CEP83: variants seen among roughly 807,000 people sequenced by gnomAD.
The protein encoded by CEP83 is centrosomal protein of 83 kDa.
In CEP83, 70 loss-of-function variants were observed where a neutral mutation model predicts 101.9. That is an observed-to-expected ratio of 0.69 (90% CI 0.57 to 0.84). The LOEUF (loss-of-function observed/expected upper bound fraction) is 0.84. Among genes scored for constraint, CEP83 ranks in the 40% least tolerant of loss-of-function variants. The probability of loss-of-function intolerance (pLI) is 0.00; values close to 1 mark genes in which losing one functional copy is unlikely to be tolerated. For missense variants in CEP83, 715 were observed against 787.2 expected (o/e 0.91, Z 1.10); for synonymous variants, 264 against 267.9 (o/e 0.99, Z 0.14).
chr12:94,411,939 CA>C, intron 3 of CEP83, 92 bp from the exon 4 acceptor site: 1 of 974,650 alleles, frequency 1.0e-6, no homozygotes, highest in South Asian at 1.5e-5. Context: ...CACAGAAAAA[CA>C]AGACCAATAT....
At chr12:94,281,371 T>C in the CEP83 span, among the ~76,000 whole-genome samples, 1 of 152,136 alleles carries the variant, frequency 6.6e-6, no homozygotes, top group South Asian at 2.1e-4. Context: ...AAAACGCAGA[T>C]GCCCAAAGGG....
chr12:94,350,396 T>C (rs2060145735), intron 11 of CEP83, among the ~76,000 whole-genome samples: 1 of 152,156 alleles, frequency 6.6e-6, no homozygotes, highest in African/African-American at 2.4e-5. Flanking sequence ...GAAAGGGCAA[T>C]GTTGTCAACA....
chr12:94,265,851 C>G, the CEP83 span, among the ~76,000 whole-genome samples: 1 of 152,080 alleles, frequency 6.6e-6, no homozygotes, highest in Non-Finnish European at 1.5e-5. Flanking sequence ...CCCCACCGCA[C>G]CCACCCCATG....
chr12:94,333,045 C>CAAAAAAAAAAAAAAAAAAAAAAAAAAA (rs34900007), intron 13 of CEP83, among the ~76,000 whole-genome samples: 1 of 73,172 alleles, frequency 1.4e-5, no homozygotes, highest in African/African-American at 6.5e-5. Context: ...ATTTTAAGAC[C>CAAAAAAAAAAAAAAAAAAAAAAAAAAA]AAAAAAAAAA....
chr12:94,312,466 G>A lies in CEP83; in HGVS notation c.1811+448C>T, dbSNP rs924573265. 8.9e-6 allele frequency: 4 copies of A among 451,158 alleles called. No individual in the cohort carries two copies. In the East Asian group the frequency reaches 6.2e-4, roughly 70 times the overall value. 27.9% of individuals were successfully genotyped at this position (451,158 alleles called of 1,614,324 possible). A position where few individuals can be genotyped will look rare whatever the true frequency, so the allele number is the denominator to read the frequency against. On this transcript the variant is annotated intron_variant, in intron 15 of 16. Transcript: ENST00000397809. Reference sequence around the variant, plus strand: ...CAACAACTTAATATGACAAATCTCTGCTTTAAAAATGCTGATGATCCTGAT... The same window carrying A: ...CAACAACTTAATATGACAAATCTCTACTTTAAAAATGCTGATGATCCTGAT...
At chr12:94,322,414 C>T (rs575402779) in intron 14 of CEP83, among the ~76,000 whole-genome samples, 2 of 151,912 alleles carry the variant, frequency 1.3e-5, no homozygotes, top group East Asian at 3.9e-4. Context: ...ATTAGGGATT[C>T]AAGTAAAAAA....
rs1258184386 is a variant in CEP83 at position 94,365,702 on chromosome 12, G to A, written c.1343+2092C>T. 4.6e-5 allele frequency among the ~76,000 whole-genome samples: 7 copies of A among 151,498 alleles called. No individual in the cohort carries two copies. The South Asian group carries it at 8.4e-4, about 18-fold the overall frequency. On this transcript the variant is annotated intron_variant, in intron 11 of 16. Coordinates refer to ENST00000397809, the MANE Select transcript of CEP83 (RefSeq NM_016122.3). Reference sequence around the variant, plus strand: ...TCACTTGAATCCCAGAGGCAGAGGCGGAGGCTGCAGTGAGCCAAGATCGCC... The same window carrying A: ...TCACTTGAATCCCAGAGGCAGAGGCAGAGGCTGCAGTGAGCCAAGATCGCC...
At chr12:94,424,366 C>T in intron 2 of CEP83, 1 of 1,614,002 alleles carries the variant, frequency 6.2e-7, no homozygotes, top group Non-Finnish European at 8.5e-7. Context: ...CAGGGGGTGT[C>T]TTAATATATT....
At chr12:94,401,250 T>C (rs553251665) in intron 5 of CEP83, 300 of 164,562 alleles carry the variant, frequency 1.8e-3, no homozygotes, top group African/African-American at 7.0e-3. Flanking sequence ...TATGATAAAG[T>C]GTATAGTATG....
chr12:94,322,524 C>A (rs573245265), intron 14 of CEP83, among the ~76,000 whole-genome samples: 1 of 152,342 alleles, frequency 6.6e-6, no homozygotes, highest in African/African-American at 2.4e-5. Context: ...AGAGATAAGG[C>A]TGCAAAACAG....
At chr12:94,287,991 C>T in the CEP83 span, among the ~76,000 whole-genome samples, 1 of 152,192 alleles carries the variant, frequency 6.6e-6, no homozygotes, top group African/African-American at 2.4e-5. Flanking sequence ...TCACTGATGC[C>T]TCAAGGCTTG....
chr12:94,403,921 A>C (rs2063396260), intron 4 of CEP83, among the ~76,000 whole-genome samples: 1 of 151,890 alleles, frequency 6.6e-6, no homozygotes, highest in Non-Finnish European at 1.5e-5. Context: ...ATGTATATTA[A>C]TTTCTATAAA....
At chr12:94,431,498 G>A (rs1223642573) in intron 2 of CEP83, among the ~76,000 whole-genome samples, 1 of 151,488 alleles carries the variant, frequency 6.6e-6, no homozygotes, top group East Asian at 1.9e-4. Context: ...TCAACAGAGT[G>A]AAGAAAAAAC....
chr12:94,322,075 A>G (rs1414510782), intron 14 of CEP83, among the ~76,000 whole-genome samples: 1 of 152,174 alleles, frequency 6.6e-6, no homozygotes, highest in Non-Finnish European at 1.5e-5. Context: ...TGCTGGCAGA[A>G]CACACTAACA....
intron 11 of CEP83, among the ~76,000 whole-genome samples, chr12:94,362,097 G>A (rs934127706): frequency 1.3e-5 from 2 of 152,120 alleles, no homozygotes; most frequent in African/African-American, 4.8e-5. Flanking sequence ...ATTTAAAAAT[G>A]GGCAAATGAT....
At chr12:94,376,732 C>CACATAT (rs1034102363) in intron 7 of CEP83, among the ~76,000 whole-genome samples, 4 of 95,022 alleles carry the variant, frequency 4.2e-5, no homozygotes, top group African/African-American at 1.5e-4. Context: ...CACACACACA[C>CACATAT]ATATATATAT....
intron 11 of CEP83, among the ~76,000 whole-genome samples, chr12:94,356,790 T>C (rs1565977558): frequency 6.6e-6 from 1 of 152,196 alleles, no homozygotes; most frequent in African/African-American, 2.4e-5. Context: ...GCTCAGTTCT[T>C]ACAATTTAAA....
chr12:94,291,857 AC>A, the CEP83 span, among the ~76,000 whole-genome samples: 412 of 152,244 alleles, frequency 2.7e-3, 2 homozygotes, highest in African/African-American at 9.7e-3. Context: ...TGATCCCATC[AC>A]CCAGTGAACG....
chr12:94,406,905 C>T (rs2063573117), intron 4 of CEP83, among the ~76,000 whole-genome samples: 1 of 148,498 alleles, frequency 6.7e-6, no homozygotes, highest in Admixed American at 6.7e-5. Flanking sequence ...CCAGCCTGGG[C>T]GACACAGAGA....
Sources: gnomAD v4.1 joint callset for allele counts (sites outside exome capture counted in the v4.1 genomes callset) on GRCh38, gnomAD v4.1.1 for gene constraint, MANE v1.5 for transcripts, NCBI Gene and HGNC (gene_info 2026-07-23, HGNC 2026-07-21) for gene names.